Variants in WASF3 observed in about 807,000 individuals in gnomAD.
WASF3 encodes WASP family member 3, also known as actin-binding protein WASF3.
Under a neutral mutation model 46.6 loss-of-function variants are expected in WASF3, and 11 were observed. That is an observed-to-expected ratio of 0.24 (90% CI 0.15 to 0.39). WASF3 has a LOEUF of 0.39. WASF3 is among the 10% of genes least tolerant of loss of function. The pLI, the probability that WASF3 is intolerant of heterozygous loss-of-function variation, is 1.00. For missense variants in WASF3, 576 were observed against 669.8 expected (o/e 0.86, Z 1.55); for synonymous variants, 242 against 259.7 (o/e 0.93, Z 0.65).
intron 2 of WASF3, among the ~76,000 whole-genome samples, chr13:26,614,252 A>G (rs767869210): frequency 3.9e-5 from 6 of 152,230 alleles, no homozygotes; most frequent in Non-Finnish European, 7.3e-5. Context: ...TTAATTTACC[A>G]TAGGAAAATT....
intron 2 of WASF3, among the ~76,000 whole-genome samples, chr13:26,641,637 T>G (rs1881999767): frequency 6.6e-6 from 1 of 152,000 alleles, no homozygotes; most frequent in Non-Finnish European, 1.5e-5. Flanking sequence ...GAGGAGTTGG[T>G]CAACAGGGAA....
intron 2 of WASF3, among the ~76,000 whole-genome samples, chr13:26,624,361 A>G (rs532549913): frequency 1.3e-5 from 2 of 152,332 alleles, no homozygotes; most frequent in East Asian, 1.9e-4. Context: ...CTAAATCAGC[A>G]GAATATAAAA....
At chr13:26,568,931 T>G (rs2137150195) in intron 1 of WASF3, among the ~76,000 whole-genome samples, 1 of 152,278 alleles carries the variant, frequency 6.6e-6, no homozygotes, top group Admixed American at 6.5e-5. Flanking sequence ...CTGTCTGGAG[T>G]TATTGGATAT....
upstream of WASF3, among the ~76,000 whole-genome samples, chr13:26,554,088 C>CTTTCTT (rs1289008259): frequency 3.6e-5 from 1 of 27,676 alleles, no homozygotes; most frequent in Non-Finnish European, 7.2e-5. Context: ...TCCTTCCTTC[C>CTTTCTT]TTCCTTCCTT....
At chr13:26,665,706 G>C (rs1474078865) in intron 4 of WASF3, among the ~76,000 whole-genome samples, 2 of 152,144 alleles carry the variant, frequency 1.3e-5, no homozygotes, top group African/African-American at 2.4e-5. Context: ...GCATTGTATA[G>C]TTAACTGATA....
chr13:26,640,127 T>C (rs1881951549), intron 2 of WASF3, among the ~76,000 whole-genome samples: 2 of 152,088 alleles, frequency 1.3e-5, no homozygotes, highest in African/African-American at 4.8e-5. Context: ...CTATTGGAAT[T>C]AGTAACCTTG....
chr13:26,617,290 A>G (rs142897647), intron 2 of WASF3, among the ~76,000 whole-genome samples: 1 of 152,098 alleles, frequency 6.6e-6, no homozygotes, highest in Non-Finnish European at 1.5e-5. Context: ...ATTGAATATG[A>G]TAAGTGTCTT....
intron 2 of WASF3, among the ~76,000 whole-genome samples, chr13:26,637,461 A>G (rs1448068330): frequency 6.6e-6 from 1 of 152,220 alleles, no homozygotes; most frequent in African/African-American, 2.4e-5. Context: ...GGACCTTGGA[A>G]ATGGGAAACC....
chr13:26,617,784 C>T (rs1881179012), intron 2 of WASF3, among the ~76,000 whole-genome samples: 1 of 152,034 alleles, frequency 6.6e-6, no homozygotes, highest in Non-Finnish European at 1.5e-5. Context: ...CCCCATAATC[C>T]CTACGTGTCA....
Position 26,685,803 on chromosome 13 carries a change from TGAC to T in WASF3, c.1474_1476del (p.Asp492del), listed in dbSNP as rs1461334554. On this transcript the variant is annotated inframe_deletion, in exon 10 of 10. Transcript: ENST00000335327. ...GCATTGCCGTGGAGTACAGCGACTC[TGAC>T]GACGACTCAGAGTTCGACGAGAACG... 2 of 1,614,046 alleles carry T rather than the reference TGAC, an allele frequency of 1.2e-6. No homozygotes were observed. The highest frequency in any genetic ancestry group is 2.2e-5 in the East Asian group (1 of 44,876).
chr13:26,622,021 A>G (rs1181737816), intron 2 of WASF3, among the ~76,000 whole-genome samples: 1 of 152,164 alleles, frequency 6.6e-6, no homozygotes, highest in African/African-American at 2.4e-5. Context: ...GGTCACTTTC[A>G]TTCCGAGGGC....
chr13:26,600,495 T>C (rs1880611100), intron 1 of WASF3, among the ~76,000 whole-genome samples: 1 of 152,186 alleles, frequency 6.6e-6, no homozygotes, highest in Non-Finnish European at 1.5e-5. Flanking sequence ...GTGAAGTACA[T>C]TGCTTCTCAT....
intron 2 of WASF3, among the ~76,000 whole-genome samples, chr13:26,630,330 C>T (rs1048975722): frequency 2.6e-5 from 4 of 152,114 alleles, no homozygotes; most frequent in African/African-American, 9.7e-5. Context: ...CCCCAACAGG[C>T]CCTGGTGTGT....
chr13:26,599,184 CTTTTTTTTTTT>C (rs57148941), intron 1 of WASF3, among the ~76,000 whole-genome samples: 3 of 118,292 alleles, frequency 2.5e-5, no homozygotes, highest in African/African-American at 6.5e-5. Flanking sequence ...CTTTTCATTT[CTTTTTTTTTTT>C]TTTTTTGAGA....
intron 1 of WASF3, among the ~76,000 whole-genome samples, chr13:26,579,394 CACAT>C (rs1879911273): frequency 6.6e-6 from 1 of 152,088 alleles, no homozygotes; most frequent in African/African-American, 2.4e-5. Flanking sequence ...GGATAGCAGA[CACAT>C]ACATTCAAAT....
chr13:26,578,993 CTTTTTT>C (rs200299739), intron 1 of WASF3, among the ~76,000 whole-genome samples: 18 of 60,642 alleles, frequency 3.0e-4, no homozygotes, highest in African/African-American at 8.4e-4. Flanking sequence ...GATACATTTC[CTTTTTT>C]TTTTTTTTTT....
chr13:26,587,273 GT>G (rs568894421), intron 1 of WASF3, among the ~76,000 whole-genome samples: 110 of 138,462 alleles, frequency 7.9e-4, no homozygotes, highest in East Asian at 1.3e-3. Context: ...CCTAAACTCT[GT>G]TTTTTTTTTT....
At chr13:26,545,130 A>C in the WASF3 span, among the ~76,000 whole-genome samples, 1 of 152,192 alleles carries the variant, frequency 6.6e-6, no homozygotes, top group Non-Finnish European at 1.5e-5. Context: ...TGGGATCGAC[A>C]TGGGAAACCA....
intron 1 of WASF3, among the ~76,000 whole-genome samples, chr13:26,565,506 A>T (rs991687916): frequency 2.0e-5 from 3 of 152,330 alleles, no homozygotes; most frequent in Admixed American, 2.0e-4. Flanking sequence ...TTTAAAAAAA[A>T]CCAGCCCTGT....
Sources: gnomAD v4.1 joint callset for allele counts (sites outside exome capture counted in the v4.1 genomes callset) on GRCh38, gnomAD v4.1.1 for gene constraint, MANE v1.5 for transcripts, NCBI Gene and HGNC (gene_info 2026-07-23, HGNC 2026-07-21) for gene names.